ABCA13: variants seen among roughly 807,000 people sequenced by gnomAD.
ABCA13 encodes the protein ATP binding cassette subfamily A member 13.
Under a neutral mutation model 478.7 loss-of-function variants are expected in ABCA13, and 476 were observed. The ratio of observed to expected loss-of-function variants is 0.99; its 90% CI spans 0.92 to 1.07. The LOEUF is 1.07. ABCA13 is among the 50% of genes least tolerant of loss of function. ABCA13 has a pLI of 0.00. For synonymous variants in ABCA13, 2,252 were observed against 2,158.9 expected, an observed-to-expected ratio of 1.04 and a Z score of -1.20; for missense variants, 6,060 against 5,910.6, an observed-to-expected ratio of 1.03 and a Z score of -0.83.
chr7:48,616,281 C>CT (rs1486597582), intron 59 of ABCA13, among the ~76,000 whole-genome samples: 3 of 152,080 alleles, frequency 2.0e-5, no homozygotes, highest in African/African-American at 7.2e-5. Flanking sequence ...GAGTTAGGCA[C>CT]TGCTGGGATG....
chr7:48,196,943 A>T (rs1798015597), intron 2 of ABCA13, among the ~76,000 whole-genome samples: 1 of 152,226 alleles, frequency 6.6e-6, no homozygotes, highest in African/African-American at 2.4e-5. Flanking sequence ...ACAACTTTAG[A>T]ATGAAGCCAA....
At chr7:48,227,014 C>A (rs921935761) in intron 5 of ABCA13, among the ~76,000 whole-genome samples, 14 of 151,782 alleles carry the variant, frequency 9.2e-5, no homozygotes, top group African/African-American at 2.9e-4. Flanking sequence ...TTCTTCTTAC[C>A]CCATCCATAT....
At position 48,313,061 on chromosome 7, in the gene ABCA13, C is replaced by A; in HGVS notation, c.9517-6C>A. ...CATGTTGTTTTGTTTTTGTTTTGTC[C>A]TTTAGACTCTGATGCCTTCTGAAGC... On this transcript the variant is annotated splice_polypyrimidine_tract_variant and splice_region_variant and intron_variant, in intron 24 of 61. Transcript: ENST00000435803. 6.4e-7 allele frequency: 1 copy of A among 1,559,168 alleles called. No individual in the cohort carries two copies. Among genetic ancestry groups the A allele is most frequent in the Non-Finnish European group, 8.7e-7 (1 of 1,152,904 alleles).
intron 27 of ABCA13, among the ~76,000 whole-genome samples, chr7:48,324,299 A>G (rs529688136): frequency 1.3e-4 from 20 of 152,224 alleles, no homozygotes; most frequent in African/African-American, 4.8e-4. Flanking sequence ...GTGTGTCCTA[A>G]TATCCTCTTT....
intron 1 of ABCA13, among the ~76,000 whole-genome samples, chr7:48,191,176 G>C (rs772935588): frequency 5.3e-5 from 8 of 152,060 alleles, no homozygotes; most frequent in Non-Finnish European, 8.8e-5. Context: ...TTATTACAAA[G>C]AATGACCAAA....
chr7:48,379,925 C>G (rs1207477448), intron 35 of ABCA13, among the ~76,000 whole-genome samples: 1 of 152,132 alleles, frequency 6.6e-6, no homozygotes, highest in Non-Finnish European at 1.5e-5. Flanking sequence ...TCTTACAATT[C>G]TATCTCATTT....
chr7:48,631,133 T>A (rs1794128763), intron 59 of ABCA13, among the ~76,000 whole-genome samples: 2 of 152,120 alleles, frequency 1.3e-5, no homozygotes, highest in Admixed American at 6.6e-5. Flanking sequence ...TGATAGTTTC[T>A]TTTGCTTTGC....
chr7:48,353,220 G>T (rs147902210), intron 31 of ABCA13, among the ~76,000 whole-genome samples: 1 of 151,760 alleles, frequency 6.6e-6, no homozygotes, highest in Non-Finnish European at 1.5e-5. Flanking sequence ...GGGGTGAGCC[G>T]TATTGCTGTG....
At chr7:48,641,004 T>C (rs1218514816) in intron 59 of ABCA13, among the ~76,000 whole-genome samples, 2 of 152,216 alleles carry the variant, frequency 1.3e-5, no homozygotes, top group Non-Finnish European at 2.9e-5. Flanking sequence ...TTTTTCTTTT[T>C]TCGTAATTCA....
At chr7:48,549,853 A>G (rs1183449821) in intron 55 of ABCA13, among the ~76,000 whole-genome samples, 2 of 151,852 alleles carry the variant, frequency 1.3e-5, no homozygotes. Context: ...GGCCAGTTGA[A>G]TGTCTTCTTT....
At chr7:48,258,862 G>T (rs1277934117) in intron 15 of ABCA13, among the ~76,000 whole-genome samples, 1 of 151,842 alleles carries the variant, frequency 6.6e-6, no homozygotes, top group Non-Finnish European at 1.5e-5. Context: ...TAATTTTATT[G>T]TACCTATAAG....
intron 20 of ABCA13, 69 bp from the exon 21 acceptor site, chr7:48,295,631 T>G: frequency 8.9e-5 from 141 of 1,579,484 alleles, no homozygotes; most frequent in Non-Finnish European, 1.2e-4. Flanking sequence ...CTGAGACTAA[T>G]GAGAATAAAT....
intron 59 of ABCA13, among the ~76,000 whole-genome samples, chr7:48,631,968 G>C (rs1244203750): frequency 1.3e-5 from 2 of 152,076 alleles, no homozygotes; most frequent in Non-Finnish European, 2.9e-5. Context: ...TTCTCAGCTT[G>C]GTTGTTGTTA....
At chr7:48,396,480 G>A (rs1051732975) in intron 38 of ABCA13, among the ~76,000 whole-genome samples, 2 of 152,170 alleles carry the variant, frequency 1.3e-5, no homozygotes, top group African/African-American at 2.4e-5. Context: ...CATGCAGCTC[G>A]GAGAGGGAAG....
chr7:48,455,760 A>G (rs1464074535), intron 43 of ABCA13, among the ~76,000 whole-genome samples: 1 of 152,242 alleles, frequency 6.6e-6, no homozygotes, highest in African/African-American at 2.4e-5. Context: ...ACAGCACGGA[A>G]GGGATGGAAG....
rs533062519 is a variant in ABCA13 at position 48,411,113 on chromosome 7, T to C, written c.12228+436T>C. Among the ~76,000 whole-genome samples the C allele has an allele frequency of 3.7e-5, 5 of 136,064 alleles. 1 individual carries two copies. The East Asian group carries it at 6.7e-4, about 18-fold the overall frequency. The allele number at this position is 136,064 out of a possible 152,430, so 89.3% of individuals were successfully genotyped here. ...CTTTCCTTTCCTTTCCTTTTCTTTTTCTTTCTCTCCTTTCCTTTCCTTTCC... is the reference window on the plus strand; with the variant it reads ...CTTTCCTTTCCTTTCCTTTTCTTTTCCTTTCTCTCCTTTCCTTTCCTTTCC... On this transcript the variant is annotated intron_variant, in intron 40 of 61. Coordinates refer to ENST00000435803, the MANE Select transcript of ABCA13 (RefSeq NM_152701.5).
At chr7:48,315,199 G>C (rs987522359) in intron 26 of ABCA13, among the ~76,000 whole-genome samples, 1 of 152,150 alleles carries the variant, frequency 6.6e-6, no homozygotes, top group South Asian at 2.1e-4. Context: ...TAGCATAAGG[G>C]TATAAATGTA....
intron 59 of ABCA13, among the ~76,000 whole-genome samples, chr7:48,637,030 G>T (rs1794693391): frequency 6.6e-6 from 1 of 152,108 alleles, no homozygotes. Context: ...GAGGTTATTT[G>T]CAAAGCCTTT....
At chr7:48,452,943 T>G (rs986913962) in intron 42 of ABCA13, among the ~76,000 whole-genome samples, 1 of 152,214 alleles carries the variant, frequency 6.6e-6, no homozygotes, top group Non-Finnish European at 1.5e-5. Flanking sequence ...AGAATTGGTG[T>G]TATCCAGCAC....
Sources: gnomAD v4.1 joint callset for allele counts (sites outside exome capture counted in the v4.1 genomes callset) on GRCh38, gnomAD v4.1.1 for gene constraint, MANE v1.5 for transcripts, NCBI Gene and HGNC (gene_info 2026-07-23, HGNC 2026-07-21) for gene names.